ZBTB20: variants seen among roughly 807,000 people sequenced by gnomAD.
ZBTB20 encodes zinc finger and BTB domain containing 20.
Under a neutral mutation model 56.9 loss-of-function variants are expected in ZBTB20, and 9 were observed. The observed-to-expected ratio is 0.16, with a 90% CI of 0.10 to 0.28. The LOEUF (loss-of-function observed/expected upper bound fraction) is 0.28, where lower values mean the gene tolerates loss of function less well. Ranked by LOEUF, ZBTB20 falls within the 10% of genes least tolerant of loss-of-function variation. The pLI, the probability that ZBTB20 is intolerant of heterozygous loss-of-function variation, is 1.00. For missense variants in ZBTB20, 655 were observed against 1,003.0 expected (o/e 0.65, Z 4.69); for synonymous variants, 417 against 420.7 (o/e 0.99, Z 0.11).
In ZBTB20 at chr3:114,947,660, G is replaced by A. The variant is rs1399901589; in HGVS notation, c.-456+26706C>T. Among the ~76,000 whole-genome samples, 3 of 145,530 alleles carry A rather than the reference G, an allele frequency of 2.1e-5. 1 individual carries two copies. The highest frequency in any genetic ancestry group is 4.4e-5 in the Non-Finnish European group (3 of 67,750). Reference sequence around the variant, plus strand: ...AACAATGGAGACTGGGAAGGGTGAGGAGGAAGGGGGTGGATATGAGAAATT... The same window carrying A: ...AACAATGGAGACTGGGAAGGGTGAGAAGGAAGGGGGTGGATATGAGAAATT... On this transcript the variant is annotated intron_variant, in intron 3 of 11. Coordinates refer to ENST00000675478, the MANE Select transcript of ZBTB20 (RefSeq NM_001348800.3).
intron 7 of ZBTB20, among the ~76,000 whole-genome samples, chr3:114,429,297 T>C (rs776344519): frequency 2.4e-4 from 36 of 152,242 alleles, no homozygotes; most frequent in Non-Finnish European, 3.1e-4. Context: ...TAATTCCTAT[T>C]GGATTAATAC....
rs138181405 is a variant in ZBTB20, at chr3:114,787,331, TTATATATATATA to T, written c.-343+13758_-343+13769del. Among the ~76,000 whole-genome samples, 134 of 100,552 alleles carry T rather than the reference TTATATATATATA, an allele frequency of 1.3e-3. 2 individuals are homozygous for T. Among genetic ancestry groups the T allele is most frequent in the East Asian group, 6.2e-3 (26 of 4,172 alleles). 66.0% of individuals were successfully genotyped at this position (100,552 alleles called of 152,430 possible). ...AGTGAAAGAAGCCAGTCTTAAAAGG[TTATATATATATA>T]TATATATATATATATATATATATAT... On this transcript the variant is annotated intron_variant, in intron 5 of 11. Transcript: ENST00000675478.
intron 7 of ZBTB20, among the ~76,000 whole-genome samples, chr3:114,413,493 TA>T: frequency 6.6e-6 from 1 of 152,284 alleles, no homozygotes; most frequent in East Asian, 1.9e-4. Flanking sequence ...TCTAATTCTT[TA>T]AGTTAGCAAC....
chr3:114,972,888 T>C (rs776098178), intron 3 of ZBTB20, among the ~76,000 whole-genome samples: 7 of 151,914 alleles, frequency 4.6e-5, no homozygotes, highest in Non-Finnish European at 1.0e-4. Context: ...CACAGACAGG[T>C]TGCTAACTTG....
chr3:114,543,418 A>AT (rs1298985042), intron 6 of ZBTB20, among the ~76,000 whole-genome samples: 1 of 151,034 alleles, frequency 6.6e-6, no homozygotes, highest in Non-Finnish European at 1.5e-5. Flanking sequence ...ATTTCTCTGA[A>AT]TAGAGGGGAG....
chr3:114,380,633 G>A, intron 9 of ZBTB20, 144 bp downstream of exon 9: 5 of 1,262,326 alleles, frequency 4.0e-6, no homozygotes, highest in Non-Finnish European at 5.3e-6. Flanking sequence ...ACCACATTTG[G>A]ACTCTGTTGG....
chr3:114,422,502 C>G (rs115367832), intron 7 of ZBTB20, among the ~76,000 whole-genome samples: 1 of 152,108 alleles, frequency 6.6e-6, no homozygotes, highest in Admixed American at 6.6e-5. Context: ...CAAAGGCATA[C>G]CACTGTCAGA....
intron 8 of ZBTB20, among the ~76,000 whole-genome samples, chr3:114,385,126 T>A (rs771258434): frequency 2.0e-5 from 3 of 152,172 alleles, no homozygotes; most frequent in Non-Finnish European, 4.4e-5. Flanking sequence ...GTAAGTAATG[T>A]GCCTGTTACT....
intron 7 of ZBTB20, among the ~76,000 whole-genome samples, chr3:114,440,837 A>G (rs1170151751): frequency 6.6e-6 from 1 of 152,190 alleles, no homozygotes; most frequent in Non-Finnish European, 1.5e-5. Flanking sequence ...CTGGGATATC[A>G]GACAAAAGCC....
intron 2 of ZBTB20, among the ~76,000 whole-genome samples, chr3:115,012,497 G>A (rs2079765099): frequency 6.6e-6 from 1 of 151,640 alleles, no homozygotes; most frequent in Non-Finnish European, 1.5e-5. Flanking sequence ...AATGATAAAG[G>A]GGTTGATTGA....
chr3:114,930,313 C>T (rs1459772989), intron 3 of ZBTB20, among the ~76,000 whole-genome samples: 1 of 152,068 alleles, frequency 6.6e-6, no homozygotes, highest in Non-Finnish European at 1.5e-5. Flanking sequence ...ATAAATCTTA[C>T]TTTATAAAGG....
At chr3:114,493,594 G>T (rs1025162810) in intron 7 of ZBTB20, among the ~76,000 whole-genome samples, 2 of 152,094 alleles carry the variant, frequency 1.3e-5, no homozygotes, top group African/African-American at 2.4e-5. Context: ...TCTCTTCAGG[G>T]ACTTCATGCT....
Position 114,350,752 on chromosome 3 carries a change from G to A in ZBTB20, c.1326C>T (p.Asp442=). ...TGTTGCTGACAGTGATAACAGTGCT[G>A]TCCATCTCCACTTCATTGCTTCTCT... ...SPERSNEVEM[D]STVITVSNSS... Residue 442 remains aspartate (D), a synonymous_variant, in exon 11 of 12, where the codon GAC becomes GAT. Coordinates refer to ENST00000675478, the MANE Select transcript of ZBTB20 (RefSeq NM_001348800.3). 1 of 1,614,204 alleles carries A rather than the reference G, an allele frequency of 6.2e-7. No homozygotes were observed. Among genetic ancestry groups the A allele is most frequent in the Non-Finnish European group, 8.5e-7 (1 of 1,180,032 alleles).
At chr3:114,944,809 C>A (rs540616833) in intron 3 of ZBTB20, among the ~76,000 whole-genome samples, 1 of 144,792 alleles carries the variant, frequency 6.9e-6, no homozygotes, top group African/African-American at 2.8e-5. Context: ...ATGGTGGTTA[C>A]TAGAGGCTGA....
At chr3:114,430,664 C>T (rs2090052969) in intron 7 of ZBTB20, among the ~76,000 whole-genome samples, 2 of 152,012 alleles carry the variant, frequency 1.3e-5, no homozygotes, top group African/African-American at 4.8e-5. Context: ...TTTTAGAAGA[C>T]AATTTACCTG....
At chr3:114,760,528 GA>G (rs2068361024) in intron 5 of ZBTB20, among the ~76,000 whole-genome samples, 1 of 152,124 alleles carries the variant, frequency 6.6e-6, no homozygotes, top group African/African-American at 2.4e-5. Context: ...ACTAGAAGCA[GA>G]GCACCAGTTC....
At chr3:114,915,972 C>T (rs2075727942) in intron 3 of ZBTB20, among the ~76,000 whole-genome samples, 1 of 151,736 alleles carries the variant, frequency 6.6e-6, no homozygotes, top group South Asian at 2.1e-4. Flanking sequence ...GTTTTGTAGT[C>T]TTAGGTATCC....
intron 7 of ZBTB20, among the ~76,000 whole-genome samples, chr3:114,464,099 C>A (rs2092440995): frequency 6.6e-6 from 1 of 152,128 alleles, no homozygotes. Flanking sequence ...CCAAATTTCC[C>A]GCTGCCTTCA....
At chr3:115,125,308 AC>A (rs2084297168) in intron 1 of ZBTB20, among the ~76,000 whole-genome samples, 1 of 151,806 alleles carries the variant, frequency 6.6e-6, no homozygotes, top group Non-Finnish European at 1.5e-5. Context: ...GTGTCACTGC[AC>A]TGCAGCCTGG....
Sources: gnomAD v4.1 joint callset for allele counts (sites outside exome capture counted in the v4.1 genomes callset) on GRCh38, gnomAD v4.1.1 for gene constraint, MANE v1.5 for transcripts, NCBI Gene and HGNC (gene_info 2026-07-23, HGNC 2026-07-21) for gene names.